Variants in GPBP1 observed in about 807,000 individuals in gnomAD.
GPBP1 encodes the protein vasculin.
In GPBP1, 13 loss-of-function variants were observed where a neutral mutation model predicts 56.5. That is an observed-to-expected ratio of 0.23 (90% confidence interval 0.15 to 0.37). GPBP1 has a LOEUF of 0.37. GPBP1 is among the 10% of genes least tolerant of loss of function. GPBP1 has a pLI of 1.00. For missense variants in GPBP1, 477 were observed against 572.3 expected (o/e 0.83, Z 1.70); for synonymous variants, 204 against 188.9 (o/e 1.08, Z -0.66).
At chr5:57,216,868 CTT>C (rs11346369) in intron 3 of GPBP1, among the ~76,000 whole-genome samples, 37 of 149,032 alleles carry the variant, frequency 2.5e-4, no homozygotes, top group East Asian at 1.2e-3. Context: ...ATCTGGAACG[CTT>C]TTTTTTTTTC....
At chr5:57,202,000 G>GT (rs962788622) in intron 2 of GPBP1, among the ~76,000 whole-genome samples, 1 of 152,120 alleles carries the variant, frequency 6.6e-6, no homozygotes, top group African/African-American at 2.4e-5. Flanking sequence ...GTCTGGCTTT[G>GT]TTTTTTAATT....
intron 8 of GPBP1, among the ~76,000 whole-genome samples, chr5:57,248,120 T>C (rs144039660): frequency 6.0e-4 from 92 of 152,264 alleles, no homozygotes; most frequent in African/African-American, 2.1e-3. Context: ...CCTTGTAGGA[T>C]TGAAATTAAC....
At chr5:57,192,749 G>T (rs139233702) in intron 2 of GPBP1, among the ~76,000 whole-genome samples, 1,995 of 66,302 alleles carry the variant, frequency 0.03, 108 homozygotes, top group Admixed American at 0.19. Context: ...GCGGAACTCC[G>T]TCTCAAAAAA....
chr5:57,178,828 A>T lies in GPBP1; in HGVS notation c.-58+2428A>T, dbSNP rs1259770967. Among the ~76,000 whole-genome samples, 3 of 152,116 alleles carry T rather than the reference A, an allele frequency of 2.0e-5. No individual in the cohort carries two copies. In the East Asian group the frequency reaches 5.8e-4, roughly 29 times the overall value. ...CTGCTTTTCCCCAGAAGTTAACACC[A>T]CTTTTCCTTTTATCTTTTCTACTCT... On this transcript the variant is annotated intron_variant, in intron 2 of 11. Coordinates refer to ENST00000506184, the MANE Select transcript of GPBP1 (RefSeq NM_022913.4).
intron 6 of GPBP1, chr5:57,245,601 A>G (rs1741053401): frequency 1.3e-5 from 2 of 152,214 alleles, no homozygotes; most frequent in Admixed American, 6.5e-5. Context: ...TTGATTACAC[A>G]CACACATTGA....
intron 10 of GPBP1, among the ~76,000 whole-genome samples, chr5:57,253,755 G>A (rs1194156141): frequency 6.6e-6 from 1 of 151,548 alleles, no homozygotes; most frequent in Non-Finnish European, 1.5e-5. Flanking sequence ...TCCTGCCAAG[G>A]GTTATGGCTG....
At chr5:57,232,670 CA>C (rs1756508740) in intron 5 of GPBP1, among the ~76,000 whole-genome samples, 1 of 152,158 alleles carries the variant, frequency 6.6e-6, no homozygotes, top group South Asian at 2.1e-4. Context: ...CTGTTCCAGC[CA>C]ATAGAAACTG....
intron 2 of GPBP1, among the ~76,000 whole-genome samples, chr5:57,212,788 G>A (rs758143989): frequency 6.6e-6 from 1 of 150,488 alleles, no homozygotes; most frequent in African/African-American, 2.4e-5. Flanking sequence ...TCTTGCCTCA[G>A]CCTCCTGAGT....
chr5:57,253,267 C>T (rs2111953472), intron 10 of GPBP1, among the ~76,000 whole-genome samples: 1 of 152,236 alleles, frequency 6.6e-6, no homozygotes, highest in Non-Finnish European at 1.5e-5. Context: ...ATAGTTTATA[C>T]CCTTAGATTA....
chr5:57,226,770 C>T (rs1299043375), intron 3 of GPBP1, among the ~76,000 whole-genome samples: 4 of 110,248 alleles, frequency 3.6e-5, no homozygotes, highest in Non-Finnish European at 5.4e-5. Context: ...GACAGAATTT[C>T]GCTCTATTGC....
chr5:57,244,205 G>T (rs1740976326), intron 6 of GPBP1, among the ~76,000 whole-genome samples: 1 of 152,198 alleles, frequency 6.6e-6, no homozygotes, highest in South Asian at 2.1e-4. Flanking sequence ...CTATGTGGTA[G>T]ATTAGGTCCT....
chr5:57,215,036 T>C lies in GPBP1; in HGVS notation c.63+843T>C, dbSNP rs370261771. Reference sequence around the variant, plus strand: ...AAGCCATTTATTTCAAAGTTGTCTTTTGTAGTAATCAGAGTTTCACAAATT... The same window carrying C: ...AAGCCATTTATTTCAAAGTTGTCTTCTGTAGTAATCAGAGTTTCACAAATT... On this transcript the variant is annotated intron_variant, in intron 3 of 11. Coordinates refer to ENST00000506184, the MANE Select transcript of GPBP1 (RefSeq NM_022913.4). 2.9e-4 allele frequency among the ~76,000 whole-genome samples: 44 copies of C among 152,342 alleles called. 1 individual carries two copies. In the South Asian group the frequency reaches 8.7e-3, roughly 30 times the overall value.
intron 5 of GPBP1, among the ~76,000 whole-genome samples, chr5:57,231,582 C>T (rs1427094442): frequency 6.6e-6 from 1 of 152,208 alleles, no homozygotes; most frequent in African/African-American, 2.4e-5. Context: ...AGCCACTGTA[C>T]ACTGAGCTAC....
At chr5:57,248,753 T>G (rs1741222650) in intron 8 of GPBP1, 1 of 152,212 alleles carries the variant, frequency 6.6e-6, no homozygotes, top group Non-Finnish European at 1.5e-5. Context: ...AGACAGAATT[T>G]TTGAGCTTTG....
At chr5:57,198,256 G>A (rs925636904) in intron 2 of GPBP1, among the ~76,000 whole-genome samples, 1 of 152,080 alleles carries the variant, frequency 6.6e-6, no homozygotes, top group East Asian at 1.9e-4. Context: ...CTTGGCTTTC[G>A]TTGTCTAGTT....
intron 6 of GPBP1, among the ~76,000 whole-genome samples, chr5:57,244,727 AT>A (rs532660984): frequency 0.025 from 2,361 of 93,154 alleles, 6 homozygotes; most frequent in Non-Finnish European, 0.034. Flanking sequence ...TTTGTTTGAG[AT>A]TTTTTTTTTT....
At chr5:57,211,423 A>G (rs1755471444) in intron 2 of GPBP1, among the ~76,000 whole-genome samples, 2 of 152,198 alleles carry the variant, frequency 1.3e-5, no homozygotes, top group African/African-American at 4.8e-5. Flanking sequence ...TCCTGGGCTC[A>G]AGGGAGCCTC....
intron 6 of GPBP1, chr5:57,245,385 T>G (rs1741044682): frequency 6.6e-6 from 1 of 152,182 alleles, no homozygotes; most frequent in Admixed American, 6.5e-5. Flanking sequence ...GAGTCCATAT[T>G]TAGTTTTGGG....
rs755280973 is a variant in GPBP1 at position 57,235,996 on chromosome 5, C to G, written c.442C>G (p.Pro148Ala). ...PSLNPEYERE[P>A]NHNKSLAAGV... The stretch of plus-strand genomic sequence containing the variant: ...TTTAAATCCTGAGTATGAGAGAGAA[C>G]CAAATCACAATAAGTCTTTAGCTGC... The change falls in exon 6 of 12, where the codon CCA becomes GCA. Residue 148 changes from proline (P) to alanine (A), a missense_variant. By Grantham distance (27) the Pro-to-Ala change is conservative. Around this residue, in one of 2 missense-constraint regions of GPBP1, gnomAD observed 414 missense variants for 458.2 expected, o/e 0.90. Coordinates refer to ENST00000506184, the MANE Select transcript of GPBP1 (RefSeq NM_022913.4). 2.5e-6 allele frequency: 4 copies of G among 1,611,676 alleles called. No homozygotes were observed. Among genetic ancestry groups the G allele is most frequent in the Middle Eastern group, 1.6e-4 (1 of 6,074 alleles).
Sources: gnomAD v4.1 joint callset for allele counts (sites outside exome capture counted in the v4.1 genomes callset) on GRCh38, gnomAD v4.1.1 for gene constraint, gnomAD v4.1.1 regional missense constraint, MANE v1.5 for transcripts, NCBI Gene and HGNC (gene_info 2026-07-23, HGNC 2026-07-21) for gene names.